RNF130: variants seen among roughly 807,000 people sequenced by gnomAD.
RNF130 encodes the protein E3 ubiquitin-protein ligase RNF130.
Under a neutral mutation model 44.6 loss-of-function variants are expected in RNF130, and 21 were observed. The observed-to-expected ratio is 0.47, with a 90% CI of 0.33 to 0.68. The LOEUF (loss-of-function observed/expected upper bound fraction) is 0.68. Ranked by LOEUF, RNF130 falls within the 30% of genes least tolerant of loss-of-function variation. The pLI is 0.02. For synonymous variants in RNF130, 214 were observed against 210.4 expected, an observed-to-expected ratio of 1.02 and a Z score of -0.15; for missense variants, 479 against 560.6, an observed-to-expected ratio of 0.85 and a Z score of 1.47.
exon 8 of RNF130, chr5:179,912,393 A>T (rs1005099780): frequency 6.6e-6 from 1 of 152,166 alleles, no homozygotes; most frequent in African/African-American, 2.4e-5. Flanking sequence ...TTGTAATCAC[A>T]CGGGACAAGT....
At chr5:180,002,104 T>C (rs568653400) in intron 3 of RNF130, among the ~76,000 whole-genome samples, 2 of 152,194 alleles carry the variant, frequency 1.3e-5, no homozygotes, top group Non-Finnish European at 2.9e-5. Flanking sequence ...TGCTTCAGCT[T>C]AGGTACTGGG....
chr5:180,055,248 C>CAAAAAAAAAAAAAA (rs1205914690), intron 1 of RNF130, among the ~76,000 whole-genome samples: 20 of 20,930 alleles, frequency 9.6e-4, no homozygotes, highest in East Asian at 2.5e-3. Flanking sequence ...GGTTCTGTCT[C>CAAAAAAAAAAAAAA]AAAAAAAAAA....
chr5:180,045,719 C>T (rs1213101669), intron 1 of RNF130, among the ~76,000 whole-genome samples: 1 of 152,074 alleles, frequency 6.6e-6, no homozygotes, highest in Non-Finnish European at 1.5e-5. Context: ...GAGTTAGACA[C>T]AGAGTGCCAA....
rs74293464 is a variant in RNF130, at chr5:179,968,236, G to A, written c.946-1226C>T. Among the ~76,000 whole-genome samples the A allele has an allele frequency of 9.2e-5, 14 of 151,878 alleles. No homozygotes were observed. The East Asian group carries it at 2.0e-3, about 21-fold the overall frequency. On this transcript the variant is annotated intron_variant, in intron 6 of 8. Coordinates refer to ENST00000521389, the MANE Select transcript of RNF130 (RefSeq NM_018434.6). ...CATGAACCCAGGAGGCGGAGCTTGC[G>A]GTGAGCCGAGATCGCACCACTGCAC...
In RNF130 at chr5:180,013,048, G is replaced by A; in HGVS notation, c.693+13C>T. On this transcript the variant is annotated intron_variant, in intron 3 of 8. Coordinates refer to ENST00000521389, the MANE Select transcript of RNF130 (RefSeq NM_018434.6). ...GCTGTTACGAACCAATCACTGTTGA[G>A]TACTGAGCTCACCTGGTTCCTGTCG... 6.2e-7 allele frequency: 1 copy of A among 1,609,852 alleles called. No homozygotes were observed. Among genetic ancestry groups the A allele is most frequent in the Non-Finnish European group, 8.5e-7 (1 of 1,178,722 alleles).
At chr5:180,036,047 G>C (rs1048061131) in intron 2 of RNF130, among the ~76,000 whole-genome samples, 1 of 152,026 alleles carries the variant, frequency 6.6e-6, no homozygotes, top group Non-Finnish European at 1.5e-5. Context: ...ATAGACTTTT[G>C]TTTTCCTGAA....
At chr5:179,951,452 C>T (rs1582136361), downstream of RNF130, among the ~76,000 whole-genome samples, 1 of 150,852 alleles carries the variant, frequency 6.6e-6, no homozygotes, top group African/African-American at 2.4e-5. Flanking sequence ...GGCGCGATCT[C>T]GGCTCATTGC....
intron 1 of RNF130, among the ~76,000 whole-genome samples, chr5:180,051,238 A>ATGTTTATTTATTTATT (rs1554107011): frequency 6.9e-6 from 1 of 144,096 alleles, no homozygotes; most frequent in South Asian, 2.3e-4. Context: ...TATAGATATT[A>ATGTTTATTTATTTATT]TATTTATTTA....
At chr5:180,067,961 AC>A (rs751665662) in intron 1 of RNF130, among the ~76,000 whole-genome samples, 33 of 152,336 alleles carry the variant, frequency 2.2e-4, no homozygotes, top group Admixed American at 1.4e-3. Flanking sequence ...AAACATGAAA[AC>A]CTAAGATTCA....
intron 3 of RNF130, among the ~76,000 whole-genome samples, chr5:180,008,164 G>A (rs1392293325): frequency 1.3e-5 from 2 of 151,562 alleles, no homozygotes; most frequent in Non-Finnish European, 2.9e-5. Flanking sequence ...CAGCCAACAG[G>A]ACCAGAGCAG....
rs946728729 is a variant in RNF130 at position 179,920,353 on chromosome 5, T to G, written c.1224A>C (p.Glu408Asp). ...TCTCATCATACATGTCCAAAGAAGG[T>G]TCGATGGTGGAGAATTCACTTTCAT... The change falls in exon 8 of 8, where the codon GAA becomes GAC. Residue 408 changes from glutamate (E) to aspartate (D), a missense_variant. By Grantham distance (45) the Glu-to-Asp change is conservative. Coordinates refer to the RNF130 transcript ENST00000522208. 5 of 702,148 alleles carry G rather than the reference T, an allele frequency of 7.1e-6. No individual in the cohort carries two copies. The South Asian group carries it at 7.4e-5, about 10-fold the overall frequency. The allele number at this position is 702,148 out of a possible 1,614,324, so 43.5% of individuals were successfully genotyped here.
intron 7 of RNF130, among the ~76,000 whole-genome samples, chr5:179,946,685 C>T (rs1762046268): frequency 6.6e-6 from 1 of 152,028 alleles, no homozygotes; most frequent in Non-Finnish European, 1.5e-5. Context: ...TCCCGAGTAG[C>T]TGGGACTACA....
At chr5:180,066,965 G>T (rs1339703087) in intron 1 of RNF130, among the ~76,000 whole-genome samples, 1 of 152,156 alleles carries the variant, frequency 6.6e-6, no homozygotes, top group South Asian at 2.1e-4. Flanking sequence ...CGAGGTCAAG[G>T]CTACAGTGAG....
At chr5:179,981,840 T>A (rs1283734437) in intron 3 of RNF130, among the ~76,000 whole-genome samples, 3 of 152,272 alleles carry the variant, frequency 2.0e-5, no homozygotes, top group Admixed American at 2.0e-4. Flanking sequence ...AATCTATGAG[T>A]CCCTTCTGTC....
In RNF130 at chr5:180,042,149, G is replaced by A. The variant is rs545416707; in HGVS notation, c.248-1502C>T. Among the ~76,000 whole-genome samples the A allele has an allele frequency of 4.8e-4, 73 of 152,324 alleles. 1 individual carries two copies. Among genetic ancestry groups the A allele is most frequent in the Non-Finnish European group, 2.9e-5 (2 of 68,010 alleles). On this transcript the variant is annotated intron_variant, in intron 1 of 8. Transcript: ENST00000521389. ...ACCTGGAAGCACATGCCTAGCAAAA[G>A]AAACTAAATGCTTACACGACTTAAA...
chr5:179,972,577 T>C (rs1332150879), intron 5 of RNF130, among the ~76,000 whole-genome samples: 1 of 145,034 alleles, frequency 6.9e-6, no homozygotes, highest in Non-Finnish European at 1.5e-5. Flanking sequence ...GGTGCAGGAG[T>C]GAGAGGTATC....
intron 2 of RNF130, among the ~76,000 whole-genome samples, chr5:180,038,364 G>C (rs984843193): frequency 6.7e-6 from 1 of 149,390 alleles, no homozygotes; most frequent in African/African-American, 2.5e-5. Context: ...CTGTGCAACA[G>C]AGTTAGACCC....
intron 7 of RNF130, among the ~76,000 whole-genome samples, chr5:179,949,457 G>T (rs1450518188): frequency 6.6e-6 from 1 of 151,386 alleles, no homozygotes. Context: ...ATGGGGTCTT[G>T]CTATGTTGCC....
chr5:180,040,659 A>G lies in RNF130; in HGVS notation c.248-12T>C, dbSNP rs1046161050. Reference sequence around the variant, plus strand: ...CAGATGATCAGCAACTGAAAAGAAAAAGAAATACACACATTAAAGATAAAT... The same window carrying G: ...CAGATGATCAGCAACTGAAAAGAAAGAGAAATACACACATTAAAGATAAAT... On this transcript the variant is annotated splice_polypyrimidine_tract_variant and intron_variant, in intron 1 of 8. Transcript: ENST00000521389. The G allele has an allele frequency of 1.2e-6, 2 of 1,608,440 alleles. No individual in the cohort carries two copies. The highest frequency in any genetic ancestry group is 2.7e-5 in the African/African-American group (2 of 74,524).
Sources: gnomAD v4.1 joint callset for allele counts (sites outside exome capture counted in the v4.1 genomes callset) on GRCh38, gnomAD v4.1.1 for gene constraint, MANE v1.5 for transcripts, NCBI Gene and HGNC (gene_info 2026-07-23, HGNC 2026-07-21) for gene names.